Variants in ELFN2 observed in about 807,000 individuals in gnomAD.
ELFN2 encodes the protein extracellular leucine rich repeat and fibronectin type III domain containing 2, also known as protein phosphatase 1 regulatory subunit 29.
In ELFN2, 17 loss-of-function variants were observed where a neutral mutation model predicts 45.5. That is an observed-to-expected ratio of 0.37 (90% confidence interval 0.26 to 0.56). The LOEUF is 0.56. Among genes scored for constraint, ELFN2 ranks in the 20% least tolerant of loss-of-function variants. ELFN2 has a pLI of 0.77. For missense variants in ELFN2, 922 were observed against 1,183.2 expected (o/e 0.78, Z 3.24); for synonymous variants, 550 against 551.5 (o/e 1.00, Z 0.04).
chr22:37,396,338 C>T (rs1932210864), intron 2 of ELFN2, among the ~76,000 whole-genome samples: 1 of 152,178 alleles, frequency 6.6e-6, no homozygotes, highest in Non-Finnish European at 1.5e-5. Context: ...GGGCTGTGTC[C>T]CCACCATGTC....
downstream of ELFN2, among the ~76,000 whole-genome samples, chr22:37,364,573 G>A (rs913552840): frequency 5.9e-5 from 9 of 152,046 alleles, no homozygotes; most frequent in Non-Finnish European, 1.3e-4. Flanking sequence ...GAAGGGAGCA[G>A]GAAACCCCAT....
chr22:37,373,877 T>C lies in ELFN2; in HGVS notation c.1658A>G (p.Asp553Gly), dbSNP rs1240398852. The C allele has an allele frequency of 1.9e-6, 3 of 1,613,396 alleles. No homozygotes were observed. The South Asian group carries it at 3.3e-5, about 18-fold the overall frequency. Residue 553 changes from aspartate (D) to glycine (G), a missense_variant, in exon 3 of 3, where the codon GAT becomes GGT. Around this residue, in one of 2 missense-constraint regions of ELFN2, gnomAD observed 564 missense variants for 642.8 expected, o/e 0.88. Transcript: ENST00000402918. ...KVNQIINNCI[D>G]ALKLDSASFL... ...AGAGGCCGAGTCCAGCTTGAGAGCA[T>C]CGATGCAGTTGTTAATGATCTGGTT...
chr22:37,344,942 C>A (rs1272370770), intron 1 of ELFN2, among the ~76,000 whole-genome samples: 1 of 152,184 alleles, frequency 6.6e-6, no homozygotes, highest in African/African-American at 2.4e-5. Flanking sequence ...TGCCAGGGGG[C>A]CCTCCCCGTT....
At chr22:37,380,535 T>C (rs1368730922) in intron 2 of ELFN2, among the ~76,000 whole-genome samples, 3 of 152,176 alleles carry the variant, frequency 2.0e-5, no homozygotes, top group African/African-American at 7.2e-5. Context: ...GCAGTCTGTG[T>C]CCTGGCCTCC....
intron 1 of ELFN2, among the ~76,000 whole-genome samples, chr22:37,421,848 C>A (rs59125774): frequency 0.01 from 1,567 of 152,294 alleles, 21 homozygotes; most frequent in African/African-American, 0.036. Context: ...AGGAAATCCA[C>A]TGGGGAATGA....
At position 37,426,654 on chromosome 22, in the gene ELFN2, C is replaced by A. The variant is rs1248999924; in HGVS notation, c.-614+644G>T. On this transcript the variant is annotated intron_variant, in intron 1 of 2. Transcript: ENST00000402918. Reference sequence around the variant, plus strand: ...ACGCGCTCGCACACACACACAAACACACACACACACACACACCCGGCAGTG... The same window carrying A: ...ACGCGCTCGCACACACACACAAACAAACACACACACACACACCCGGCAGTG... Among the ~76,000 whole-genome samples, 42 of 61,762 alleles carry A rather than the reference C, an allele frequency of 6.8e-4. 1 individual carries two copies. The highest frequency in any genetic ancestry group is 4.0e-4 in the South Asian group (1 of 2,492). 40.5% of individuals were successfully genotyped at this position (61,762 alleles called of 152,430 possible).
chr22:37,373,535 C>T lies in ELFN2; in HGVS notation c.2000G>A (p.Gly667Asp), dbSNP rs911376261. The T allele has an allele frequency of 3.2e-6, 5 of 1,581,444 alleles. No individual in the cohort carries two copies. The highest frequency in any genetic ancestry group is 3.4e-6 in the Non-Finnish European group (4 of 1,165,836). Reference sequence around the variant, plus strand: ...GTCCAGCGGGCTGTTGAGGGGGCTGCCCTTCTCGATGTACTTGGAGTCGCC... The same window carrying T: ...GTCCAGCGGGCTGTTGAGGGGGCTGTCCTTCTCGATGTACTTGGAGTCGCC... Reference protein sequence around the residue: ...AKGDSKYIEKGSPLNSPLDRL... With the variant: ...AKGDSKYIEKDSPLNSPLDRL... Residue 667 changes from glycine (G) to aspartate (D), a missense_variant, in exon 3 of 3, where the codon GGC (glycine) becomes GAC (aspartate). By Grantham distance (94) the Gly-to-Asp change is moderately conservative. Coordinates refer to ENST00000402918, the MANE Select transcript of ELFN2 (RefSeq NM_052906.5).
chr22:37,403,602 T>C (rs745334484), intron 2 of ELFN2, among the ~76,000 whole-genome samples: 1 of 151,856 alleles, frequency 6.6e-6, no homozygotes, highest in Non-Finnish European at 1.5e-5. Flanking sequence ...GGCCTCGGGG[T>C]CTAGCGAGGG....
At chr22:37,399,078 A>T (rs549250523) in intron 2 of ELFN2, among the ~76,000 whole-genome samples, 2 of 150,944 alleles carry the variant, frequency 1.3e-5, no homozygotes, top group South Asian at 4.2e-4. Flanking sequence ...TCCTCCCCAG[A>T]CTCCTGGATC....
chr22:37,362,007 C>T (rs1931100256), intron 1 of ELFN2, among the ~76,000 whole-genome samples: 1 of 152,238 alleles, frequency 6.6e-6, no homozygotes, highest in Admixed American at 6.5e-5. Flanking sequence ...CCTTGGTCAT[C>T]TCTCATGCCT....
Position 37,372,893 on chromosome 22 carries a change from G to T in ELFN2, c.*179C>A. ...TCCTGTCCGTTATTGTCGGATGTTG[G>T]TTTGTTCACAGTCGGGTGGTGGTCA... On this transcript the variant is annotated 3_prime_UTR_variant, in exon 3 of 3. Transcript: ENST00000402918. This position sits in a 1 kb window ranked among gnomAD's most constrained non-coding sequence, Gnocchi z 4.4. 2 of 635,136 alleles carry T rather than the reference G, an allele frequency of 3.1e-6. No homozygotes were observed. Among genetic ancestry groups the T allele is most frequent in the East Asian group, 5.7e-5 (2 of 35,196 alleles). The allele number at this position is 635,136 out of a possible 1,614,324, so 39.3% of individuals were successfully genotyped here. A position where few individuals can be genotyped will look rare whatever the true frequency, so the allele number is the denominator to read the frequency against.
downstream of ELFN2, among the ~76,000 whole-genome samples, chr22:37,365,671 C>T (rs1931186813): frequency 6.6e-6 from 1 of 152,170 alleles, no homozygotes; most frequent in African/African-American, 2.4e-5. Flanking sequence ...AGTGGGGTGC[C>T]CCTGGCAACT....
In ELFN2 at chr22:37,375,152, C is replaced by T. The variant is rs531505355; in HGVS notation, c.383G>A (p.Arg128His). 1.7e-5 allele frequency: 27 copies of T among 1,613,938 alleles called. No individual in the cohort carries two copies. The highest frequency in any genetic ancestry group is 1.6e-4 in the Middle Eastern group (1 of 6,062). Residue 128 changes from arginine to histidine, a missense_variant, in exon 3 of 3, where the codon CGC (arginine) becomes CAC (histidine). Arg to His is a conservative substitution (Grantham distance 29). This residue lies in a region of ELFN2 where 358 missense variants were observed against 540.4 expected (regional missense o/e 0.66). Coordinates refer to ENST00000402918, the MANE Select transcript of ELFN2 (RefSeq NM_052906.5). Reference sequence around the variant, plus strand: ...GTGCTGGACAAAGAGGAACTGCAGGCGGCTCATGCCTCGCAGCATGCCCTC... The same window carrying T: ...GTGCTGGACAAAGAGGAACTGCAGGTGGCTCATGCCTCGCAGCATGCCCTC... The part of the protein sequence containing the change: ...LTEGMLRGMS[R>H]LQFLFVQHNL...
chr22:37,345,421 G>T (rs768981358), intron 1 of ELFN2, among the ~76,000 whole-genome samples: 1 of 152,156 alleles, frequency 6.6e-6, no homozygotes, highest in Admixed American at 6.5e-5. Flanking sequence ...TGCATAACAT[G>T]CATTAATAAC....
rs1931333136 is a variant in ELFN2 at position 37,370,423 on chromosome 22, C to T, written c.*2649G>A. 1 of 152,280 alleles carries T rather than the reference C, an allele frequency of 6.6e-6. No individual in the cohort carries two copies. Among genetic ancestry groups the T allele is most frequent in the Admixed American group, 6.5e-5 (1 of 15,288 alleles). 9.4% of individuals were successfully genotyped at this position (152,280 alleles called of 1,614,324 possible). A position where few individuals can be genotyped will look rare whatever the true frequency, so the allele number is the denominator to read the frequency against. On this transcript the variant is annotated 3_prime_UTR_variant, in exon 3 of 3. Coordinates refer to ENST00000402918, the MANE Select transcript of ELFN2 (RefSeq NM_052906.5). ...TACACTCAGCAGTGTGACTGATCCT[C>T]CACCCCAGCTGGCCAGCCAATTCAC...
intron 2 of ELFN2, among the ~76,000 whole-genome samples, chr22:37,409,203 C>A (rs910456680): frequency 1.1e-4 from 17 of 152,216 alleles, no homozygotes; most frequent in Non-Finnish European, 2.4e-4. Context: ...CTCCTCTGTG[C>A]CTGGCACTCG....
intron 1 of ELFN2, among the ~76,000 whole-genome samples, chr22:37,356,064 G>A (rs1383053570): frequency 1.3e-5 from 2 of 152,206 alleles, no homozygotes. Context: ...CCAGAATCCA[G>A]GAGGGAGCAA....
At position 37,343,720 on chromosome 22, in the gene ELFN2, G is replaced by A. The variant is rs1271468943; in HGVS notation, n.149-1017C>T. On this transcript the variant is annotated intron_variant and non_coding_transcript_variant, in intron 1 of 2. Transcript: ENST00000452946. ...CTTGGCTCCCAGACCCACCCCCCCC[G>A]GACCCCAGCCTCCCCAACTCATCTC... Among the ~76,000 whole-genome samples, 38 of 22,472 alleles carry A rather than the reference G, an allele frequency of 1.7e-3. 1 individual carries two copies. Among genetic ancestry groups the A allele is most frequent in the Non-Finnish European group, 3.0e-3 (31 of 10,206 alleles). 14.7% of individuals were successfully genotyped at this position (22,472 alleles called of 152,430 possible). A position where few individuals can be genotyped will look rare whatever the true frequency, so the allele number is the denominator to read the frequency against.
chr22:37,415,958 G>A (rs184112173), intron 2 of ELFN2, among the ~76,000 whole-genome samples: 7 of 152,128 alleles, frequency 4.6e-5, no homozygotes, highest in African/African-American at 1.4e-4. Context: ...GCGAGACTCC[G>A]TCTCAAAAAA....
Sources: allele counts gnomAD v4.1 joint callset (sites outside exome capture counted in the v4.1 genomes callset), GRCh38; gene constraint gnomAD v4.1.1; regional missense constraint gnomAD v4.1.1; non-coding constraint Gnocchi (gnomAD v3.1); transcripts MANE v1.5; gene names NCBI Gene and HGNC (gene_info 2026-07-23, HGNC 2026-07-21).